The following ZNF319 variants were observed in gnomAD, a reference collection of about 807,000 sequenced individuals.
ZNF319 encodes zinc finger protein 319.
Under a neutral mutation model 46.0 loss-of-function variants are expected in ZNF319, and 15 were observed. The observed-to-expected ratio is 0.33, with a 90% CI of 0.22 to 0.50. The LOEUF (loss-of-function observed/expected upper bound fraction) is 0.50, where lower values mean the gene tolerates loss of function less well. Among genes scored for constraint, ZNF319 ranks in the 20% least tolerant of loss-of-function variants. The pLI, the probability that ZNF319 is intolerant of heterozygous loss-of-function variation, is 0.98. For synonymous variants in ZNF319, 368 were observed against 364.0 expected (o/e 1.01, Z -0.13); for missense variants, 635 against 807.0 (o/e 0.79, Z 2.58).
In ZNF319 at chr16:57,996,204, T is replaced by G. The variant is rs1963009265; in HGVS notation, c.*313A>C. The G allele has an allele frequency of 7.5e-6, 3 of 399,034 alleles. No homozygotes were observed. The South Asian group carries it at 1.7e-4, about 23-fold the overall frequency. The allele number at this position is 399,034 out of a possible 1,614,324, so 24.7% of individuals were successfully genotyped here. ...GGGAGAAGCCACTTGACTTCCAGCC[T>G]GGCTCCAGTGCCCCGGAAATAAGGG... On this transcript the variant is annotated 3_prime_UTR_variant, in exon 2 of 2. Transcript: ENST00000299237.
chr16:57,997,083 G>C lies in ZNF319; in HGVS notation c.1183C>G (p.Leu395Val). 2 of 1,613,970 alleles carry C rather than the reference G, an allele frequency of 1.2e-6. No homozygotes were observed. The highest frequency in any genetic ancestry group is 1.7e-6 in the Non-Finnish European group (2 of 1,179,990). Residue 395 changes from leucine to valine, a missense_variant, in exon 2 of 2, where the codon CTC becomes GTC. Coordinates refer to ENST00000299237, the MANE Select transcript of ZNF319 (RefSeq NM_020807.3). ...ACGGGGCACTTGAAGAGAGTCTCGAGGGTGTGCACGTGCTGGTGGTAGAGC... is the reference window on the plus strand; with the variant it reads ...ACGGGGCACTTGAAGAGAGTCTCGACGGTGTGCACGTGCTGGTGGTAGAGC... ...HLLYHQHVHT[L>V]ETLFKCPVCQ...
rs1014172358 is a variant in ZNF319, at chr16:57,996,199, C to T, written c.*318G>A. On this transcript the variant is annotated 3_prime_UTR_variant, in exon 2 of 2. Transcript: ENST00000299237. Reference sequence around the variant, plus strand: ...GGGCAGGGAGAAGCCACTTGACTTCCAGCCTGGCTCCAGTGCCCCGGAAAT... The same window carrying T: ...GGGCAGGGAGAAGCCACTTGACTTCTAGCCTGGCTCCAGTGCCCCGGAAAT... 1.6e-5 allele frequency: 6 copies of T among 386,580 alleles called. No individual in the cohort carries two copies. In the East Asian group the frequency reaches 2.5e-4, roughly 16 times the overall value. 23.9% of individuals were successfully genotyped at this position (386,580 alleles called of 1,614,324 possible). A position where few individuals can be genotyped will look rare whatever the true frequency, so the allele number is the denominator to read the frequency against.
Position 57,996,523 on chromosome 16 carries a change from C to A in ZNF319, c.1743G>T (p.Leu581=). 2 of 1,527,818 alleles carry A rather than the reference C, an allele frequency of 1.3e-6. No homozygotes were observed. Among genetic ancestry groups the A allele is most frequent in the Non-Finnish European group, 1.8e-6 (2 of 1,141,996 alleles). 94.6% of individuals were successfully genotyped at this position (1,527,818 alleles called of 1,614,324 possible). A position where few individuals can be genotyped will look rare whatever the true frequency, so the allele number is the denominator to read the frequency against. ...AEGAYQVAAC[L]P is the part of the protein sequence containing the mutation. ...AGGGGCCACAGCCGCAGAGTCAGGG[C>A]AGGCAGGCGGCTACCTGGTAGGCGC... Residue 581 remains leucine, a synonymous_variant, in exon 2 of 2, where the codon CTG becomes CTT. Transcript: ENST00000299237.
In ZNF319 at chr16:57,997,771, C is replaced by G; in HGVS notation, c.495G>C (p.Lys165Asn). Reference protein sequence around the residue: ...SGLVKCSICEKTYKPAEAAEP... With the variant: ...SGLVKCSICENTYKPAEAAEP... ...CCGCTGCCTCAGCTGGCTTGTAGGT[C>G]TTTTCACAGATGGAACACTTCACCA... The change falls in exon 2 of 2, where the codon AAG (lysine) becomes AAC (asparagine). Residue 165 changes from lysine to asparagine, a missense_variant. By Grantham distance (94) the Lys-to-Asn change is moderately conservative. Transcript: ENST00000299237. 2 of 1,613,162 alleles carry G rather than the reference C, an allele frequency of 1.2e-6. No individual in the cohort carries two copies. Among genetic ancestry groups the G allele is most frequent in the Non-Finnish European group, 1.7e-6 (2 of 1,180,034 alleles).
Position 57,996,221 on chromosome 16 carries a change from A to C in ZNF319, c.*296T>G. On this transcript the variant is annotated 3_prime_UTR_variant, in exon 2 of 2. Coordinates refer to ENST00000299237, the MANE Select transcript of ZNF319 (RefSeq NM_020807.3). ...TTCCAGCCTGGCTCCAGTGCCCCGG[A>C]AATAAGGGGGGTGCTGATGGCTCTC... 1 of 436,494 alleles carries C rather than the reference A, an allele frequency of 2.3e-6. No homozygotes were observed. The highest frequency in any genetic ancestry group is 3.9e-6 in the Non-Finnish European group (1 of 253,526). The allele number at this position is 436,494 out of a possible 1,614,324, so 27.0% of individuals were successfully genotyped here. A position where few individuals can be genotyped will look rare whatever the true frequency, so the allele number is the denominator to read the frequency against.
chr16:57,997,714 G>C lies in ZNF319; in HGVS notation c.552C>G (p.Pro184=), dbSNP rs1403258796. The change falls in exon 2 of 2, where the codon CCC becomes CCG. Residue 184 remains proline (P), a synonymous_variant. Coordinates refer to ENST00000299237, the MANE Select transcript of ZNF319 (RefSeq NM_020807.3). ...EPATTAAPSL[P]AAPAPSTVTP... Reference sequence around the variant, plus strand: ...TGACAGTGGAAGGCGCGGGTGCTGCGGGAAGCGACGGGGCGGCTGTGGTGG... The same window carrying C: ...TGACAGTGGAAGGCGCGGGTGCTGCCGGAAGCGACGGGGCGGCTGTGGTGG... 3.1e-6 allele frequency: 5 copies of C among 1,613,700 alleles called. No individual in the cohort carries two copies. The highest frequency in any genetic ancestry group is 2.5e-6 in the Non-Finnish European group (3 of 1,180,044).
In ZNF319 at chr16:57,996,827, G is replaced by A. The variant is rs1202666152; in HGVS notation, c.1439C>T (p.Pro480Leu). 3.1e-6 allele frequency: 5 copies of A among 1,606,728 alleles called. No homozygotes were observed. The highest frequency in any genetic ancestry group is 1.7e-5 in the Admixed American group (1 of 59,198). ...GCACTTGAGTGGCTTCTCGCGGGCCGGATCGCAGCGGTGCTGCACGAACTC... is the reference window on the plus strand; with the variant it reads ...GCACTTGAGTGGCTTCTCGCGGGCCAGATCGCAGCGGTGCTGCACGAACTC... ...SSEFVQHRCD[P>L]AREKPLKCPD... is the part of the protein sequence containing the mutation. The change falls in exon 2 of 2, where the codon CCG becomes CTG. Residue 480 changes from proline to leucine, a missense_variant. Around this residue, in one of 3 missense-constraint regions of ZNF319, gnomAD observed 270 missense variants for 281.4 expected, o/e 0.96. Coordinates refer to ENST00000299237, the MANE Select transcript of ZNF319 (RefSeq NM_020807.3).
At position 57,997,890 on chromosome 16, in the gene ZNF319, G is replaced by A; in HGVS notation, c.376C>T (p.Gln126Ter). Reference sequence around the variant, plus strand: ...CAGACGAAGGGCTTCTGCTCAGCCTGCACGCACTGGTGCTCCAGCAGGTCA... The same window carrying A: ...CAGACGAAGGGCTTCTGCTCAGCCTACACGCACTGGTGCTCCAGCAGGTCA... ...ATDLLEHQCV[Q>*]AEQKPFVCGV... The change falls in exon 2 of 2, where the codon CAG (glutamine) becomes TAG (stop). Residue 126 changes from glutamine (Q) to a stop codon, truncating the protein, a stop_gained. Coordinates refer to ENST00000299237, the MANE Select transcript of ZNF319 (RefSeq NM_020807.3). LOFTEE classifies it high-confidence loss of function. 1 of 1,613,500 alleles carries A rather than the reference G, an allele frequency of 6.2e-7. No homozygotes were observed.
rs1963011133 is a variant in ZNF319 at position 57,996,291 on chromosome 16, A to G, written c.*226T>C. 1 of 749,416 alleles carries G rather than the reference A, an allele frequency of 1.3e-6. No homozygotes were observed. 46.4% of individuals were successfully genotyped at this position (749,416 alleles called of 1,614,324 possible). A position where few individuals can be genotyped will look rare whatever the true frequency, so the allele number is the denominator to read the frequency against. Reference sequence around the variant, plus strand: ...TGGGAAAGAGGTTTGTGGAATCAGGATGGGCCACAGCAATCTGGCCGCCCG... The same window carrying G: ...TGGGAAAGAGGTTTGTGGAATCAGGGTGGGCCACAGCAATCTGGCCGCCCG... On this transcript the variant is annotated 3_prime_UTR_variant, in exon 2 of 2. Transcript: ENST00000299237.
rs368961671 is a variant in ZNF319, at chr16:57,998,099, G to C, written c.167C>G (p.Pro56Arg). 1.5e-5 allele frequency: 24 copies of C among 1,607,532 alleles called. No individual in the cohort carries two copies. The highest frequency in any genetic ancestry group is 2.0e-5 in the Non-Finnish European group (24 of 1,178,062). Reference protein sequence around the residue: ...GCAVYGILLQPDPGLQPPQHA... With the variant: ...GCAVYGILLQRDPGLQPPQHA... ...TTGTGGGGGCTGCAGGCCGGGGTCT[G>C]GCTGCAGGAGGATGCCATAGACGGC... The change falls in exon 2 of 2, where the codon CCA becomes CGA. Residue 56 changes from proline (P) to arginine (R), a missense_variant. Physicochemically the swap from Pro to Arg is moderately radical, Grantham distance 103. Transcript: ENST00000299237.
intron 1 of ZNF319, 105 bp from the exon 2 acceptor site, chr16:57,998,627 A>C: frequency 5.6e-5 from 11 of 196,342 alleles, no homozygotes; most frequent in Non-Finnish European, 9.6e-5. Flanking sequence ...CAAACCACAC[A>C]TCGGGGAAGG....
rs1275621856 is a variant in ZNF319 at position 57,996,640 on chromosome 16, G to A, written c.1626C>T (p.Phe542=). 6.2e-7 allele frequency: 1 copy of A among 1,612,116 alleles called. No homozygotes were observed. The highest frequency in any genetic ancestry group is 2.2e-5 in the East Asian group (1 of 44,870). ...AGCGCTCCCCGCACCATACACACTT[G>A]AACTGCTGCTCGCGGGCGTGCACGC... The part of the protein sequence containing the change: ...HQGVHAREQQ[F]KCVWCGERFL... The change falls in exon 2 of 2, where the codon TTC becomes TTT. Residue 542 remains phenylalanine (F), a synonymous_variant. Coordinates refer to ENST00000299237, the MANE Select transcript of ZNF319 (RefSeq NM_020807.3).
In ZNF319 at chr16:57,996,469, C is replaced by G; in HGVS notation, c.*48G>C. 6.8e-7 allele frequency: 1 copy of G among 1,460,486 alleles called. No individual in the cohort carries two copies. Among genetic ancestry groups the G allele is most frequent in the Non-Finnish European group, 9.0e-7 (1 of 1,111,444 alleles). The allele number at this position is 1,460,486 out of a possible 1,614,324, so 90.5% of individuals were successfully genotyped here. A position where few individuals can be genotyped will look rare whatever the true frequency, so the allele number is the denominator to read the frequency against. On this transcript the variant is annotated 3_prime_UTR_variant, in exon 2 of 2. Transcript: ENST00000299237. ...GCTAGGCTGCGCGAGGCCTGCTGGGCCCACGGCGCCGACTCAGGTCAGGCT... is the reference window on the plus strand; with the variant it reads ...GCTAGGCTGCGCGAGGCCTGCTGGGGCCACGGCGCCGACTCAGGTCAGGCT...
At position 57,997,090 on chromosome 16, in the gene ZNF319, C is replaced by G. The variant is rs1286450054; in HGVS notation, c.1176G>C (p.Val392=). 6.2e-7 allele frequency: 1 copy of G among 1,613,982 alleles called. No individual in the cohort carries two copies. Residue 392 remains valine, a synonymous_variant, in exon 2 of 2, where the codon GTG becomes GTC. Coordinates refer to ENST00000299237, the MANE Select transcript of ZNF319 (RefSeq NM_020807.3). ...QPSHLLYHQH[V]HTLETLFKCP... is the part of the protein sequence containing the mutation. ...ACTTGAAGAGAGTCTCGAGGGTGTG[C>G]ACGTGCTGGTGGTAGAGCAGGTGGC...
At chr16:57,998,573 T>C (rs1963078174) in intron 1 of ZNF319, 51 bp from the exon 2 acceptor site, 2 of 327,938 alleles carry the variant, frequency 6.1e-6, no homozygotes, top group Non-Finnish European at 1.2e-5. Flanking sequence ...AGCAGCAGTT[T>C]CCTGGGCCTT....
chr16:57,997,081 GA>G lies in ZNF319; in HGVS notation c.1184del (p.Leu395ProfsTer158). 6.2e-7 allele frequency: 1 copy of G among 1,613,968 alleles called. No individual in the cohort carries two copies. Among genetic ancestry groups the G allele is most frequent in the South Asian group, 1.1e-5 (1 of 91,088 alleles). On this transcript the variant is annotated frameshift_variant, in exon 2 of 2. Coordinates refer to ENST00000299237, the MANE Select transcript of ZNF319 (RefSeq NM_020807.3). LOFTEE classifies it high-confidence loss of function. ...ACACGGGGCACTTGAAGAGAGTCTC[GA>G]GGGTGTGCACGTGCTGGTGGTAGAG... is the stretch of plus-strand genomic sequence containing the variant. ...HLLYHQHVHTLETLFKCPVCQ... is the reference protein window; with the variant it reads ...HLLYHQHVHTXETLFKCPVCQ...
rs1294670102 is a variant in ZNF319, at chr16:57,998,106, G to A, written c.160C>T (p.Leu54=). 2.5e-6 allele frequency: 4 copies of A among 1,607,590 alleles called. No homozygotes were observed. The African/African-American group carries it at 4.0e-5, about 16-fold the overall frequency. Residue 54 remains leucine, a synonymous_variant, in exon 2 of 2, where the codon CTG becomes TTG. Transcript: ENST00000299237. Reference sequence around the variant, plus strand: ...GGCTGCAGGCCGGGGTCTGGCTGCAGGAGGATGCCATAGACGGCACAGCCC... The same window carrying A: ...GGCTGCAGGCCGGGGTCTGGCTGCAAGAGGATGCCATAGACGGCACAGCCC... ...PLGCAVYGIL[L]QPDPGLQPPQ...
At position 57,996,877 on chromosome 16, in the gene ZNF319, G is replaced by A. The variant is rs1963027086; in HGVS notation, c.1389C>T (p.Cys463=). 1.2e-6 allele frequency: 2 copies of A among 1,602,432 alleles called. No homozygotes were observed. The highest frequency in any genetic ancestry group is 1.7e-5 in the Admixed American group (1 of 59,306). Residue 463 remains cysteine (C), a synonymous_variant, in exon 2 of 2, where the codon TGC becomes TGT. Transcript: ENST00000299237. ...CGGAAGAGGAGAAGAAGCGGCGTTC[G>A]CAAAGCGTGCAGCGCAGGGGCTTCT... ...AAEKPLRCTL[C]ERRFFSSSEF... is the part of the protein sequence containing the mutation.
chr16:57,997,086 T>G lies in ZNF319; in HGVS notation c.1180A>C (p.Thr394Pro). Residue 394 changes from threonine to proline, a missense_variant, in exon 2 of 2, where the codon ACC becomes CCC. Physicochemically the swap from Thr to Pro is conservative, Grantham distance 38 (BLOSUM62 -1). This residue lies in a region of ZNF319 where 270 missense variants were observed against 281.4 expected (regional missense o/e 0.96). Coordinates refer to ENST00000299237, the MANE Select transcript of ZNF319 (RefSeq NM_020807.3). ...SHLLYHQHVHTLETLFKCPVC... is the reference protein window; with the variant it reads ...SHLLYHQHVHPLETLFKCPVC... ...GGGCACTTGAAGAGAGTCTCGAGGG[T>G]GTGCACGTGCTGGTGGTAGAGCAGG... is the stretch of plus-strand genomic sequence containing the variant. The G allele has an allele frequency of 5.6e-6, 9 of 1,613,578 alleles. No homozygotes were observed. The highest frequency in any genetic ancestry group is 6.8e-6 in the Non-Finnish European group (8 of 1,179,924).
Sources: gnomAD v4.1 joint callset for allele counts on GRCh38, gnomAD v4.1.1 for gene constraint, gnomAD v4.1.1 regional missense constraint, MANE v1.5 for transcripts, NCBI Gene and HGNC (gene_info 2026-07-23, HGNC 2026-07-21) for gene names.